CRHR2: variants seen among roughly 807,000 people sequenced by gnomAD.
CRHR2 encodes corticotropin-releasing hormone receptor 2.
In CRHR2, 53 loss-of-function variants were observed where a neutral mutation model predicts 57.9. The observed-to-expected ratio is 0.92, with a 90% CI of 0.73 to 1.15. The LOEUF is 1.15. Ranked by LOEUF, CRHR2 falls within the 50% of genes most tolerant of loss-of-function variation. CRHR2 has a pLI of 0.00. For synonymous variants in CRHR2, 213 were observed against 220.9 expected (o/e 0.96, Z 0.32); for missense variants, 532 against 542.6 (o/e 0.98, Z 0.19).
chr7:30,687,050 G>GAGGGAACAA (rs1784869755), upstream of CRHR2, among the ~76,000 whole-genome samples: 1 of 152,046 alleles, frequency 6.6e-6, no homozygotes, highest in Admixed American at 6.6e-5. Flanking sequence ...ACATTCCCTT[G>GAGGGAACAA]ACTATTGCAT....
At chr7:30,667,488 C>A (rs1784224989) in intron 2 of CRHR2, among the ~76,000 whole-genome samples, 175 bp from the exon 3 acceptor site, 1 of 152,202 alleles carries the variant, frequency 6.6e-6, no homozygotes, top group African/African-American at 2.4e-5. Context: ...GCACAAAAGG[C>A]TCATCTTACA....
At chr7:30,693,083 C>T (rs1258246518) in intron 1 of CRHR2, among the ~76,000 whole-genome samples, 1 of 152,190 alleles carries the variant, frequency 6.6e-6, no homozygotes. Flanking sequence ...GAGGCAGACA[C>T]CTGGGTCACG....
At chr7:30,673,646 G>A (rs749834822) in intron 2 of CRHR2, among the ~76,000 whole-genome samples, 1 of 152,198 alleles carries the variant, frequency 6.6e-6, no homozygotes, top group African/African-American at 2.4e-5. Flanking sequence ...CAGAGCTGGG[G>A]TGGTCAGACG....
At chr7:30,658,406 T>C (rs1783869752) in intron 8 of CRHR2, among the ~76,000 whole-genome samples, 1 of 152,204 alleles carries the variant, frequency 6.6e-6, no homozygotes, top group South Asian at 2.1e-4. Context: ...CAGCCCCTGC[T>C]TGCAGAGGGC....
At chr7:30,657,031 G>A (rs1200256210) in intron 8 of CRHR2, among the ~76,000 whole-genome samples, 1 of 151,830 alleles carries the variant, frequency 6.6e-6, no homozygotes, top group Non-Finnish European at 1.5e-5. Context: ...TGGGCCAGAG[G>A]GAGACACATG....
chr7:30,653,716 C>T lies in CRHR2; in HGVS notation c.1096-116G>A. On this transcript the variant is annotated intron_variant, in intron 11 of 11. Coordinates refer to ENST00000471646, the MANE Select transcript of CRHR2 (RefSeq NM_001883.5). The surrounding 1 kb of genome is among the most constrained non-coding windows in gnomAD (Gnocchi z 5.0). ...CGACTGCCACCCTCATGACAAGGAA[C>T]TGTCTGCTTCCAAAACAGGTCCTTC... 1 of 1,286,304 alleles carries T rather than the reference C, an allele frequency of 7.8e-7. No homozygotes were observed. The highest frequency in any genetic ancestry group is 1.5e-5 in the South Asian group (1 of 65,266). The allele number at this position is 1,286,304 out of a possible 1,614,324, so 79.7% of individuals were successfully genotyped here. A position where few individuals can be genotyped will look rare whatever the true frequency, so the allele number is the denominator to read the frequency against.
intron 1 of CRHR2, chr7:30,689,392 C>G (rs1784916297): frequency 1.1e-6 from 1 of 907,734 alleles, no homozygotes; most frequent in Non-Finnish European, 1.7e-6. Flanking sequence ...CCTCTTAGTA[C>G]AGAGAGGGAG....
chr7:30,653,253 C>G lies in CRHR2; in HGVS notation c.*207G>C, dbSNP rs1783651726. On this transcript the variant is annotated 3_prime_UTR_variant, in exon 12 of 12. Coordinates refer to ENST00000471646, the MANE Select transcript of CRHR2 (RefSeq NM_001883.5). This position sits in a 1 kb window ranked among gnomAD's most constrained non-coding sequence, Gnocchi z 5.0. Reference sequence around the variant, plus strand: ...CAGGGGGTCCTGTGAATTCCCTCTGCTTCCTCTTGCGCTGAGCCTGGTGGC... The same window carrying G: ...CAGGGGGTCCTGTGAATTCCCTCTGGTTCCTCTTGCGCTGAGCCTGGTGGC... 9.5e-6 allele frequency: 6 copies of G among 630,334 alleles called. No individual in the cohort carries two copies. Among genetic ancestry groups the G allele is most frequent in the Non-Finnish European group, 1.6e-5 (6 of 378,282 alleles). 39.0% of individuals were successfully genotyped at this position (630,334 alleles called of 1,614,324 possible). A position where few individuals can be genotyped will look rare whatever the true frequency, so the allele number is the denominator to read the frequency against.
intron 2 of CRHR2, among the ~76,000 whole-genome samples, chr7:30,676,201 G>C (rs553996937): frequency 6.6e-5 from 10 of 152,326 alleles, no homozygotes; most frequent in African/African-American, 2.4e-4. Context: ...GGGCAGCTCT[G>C]GGGTGTCTGG....
At chr7:30,655,170 G>A (rs1783734493) in intron 10 of CRHR2, 90 bp from the exon 11 acceptor site, 2 of 1,413,236 alleles carry the variant, frequency 1.4e-6, no homozygotes, top group Non-Finnish European at 2.0e-6. Flanking sequence ...AGATGGTGGG[G>A]GGGGGACAAT....
chr7:30,682,001 C>G lies in CRHR2; in HGVS notation c.143G>C (p.Gly48Ala), dbSNP rs1198545213. Reference protein sequence around the residue: ...SYCNTTLDQIGTCWPRSAAGA... With the variant: ...SYCNTTLDQIATCWPRSAAGA... ...GGCAGCGCTGCGGGGCCAGCACGTT[C>G]CGATCTGGTCCAAGGTCGTGTTGCA... Residue 48 changes from glycine to alanine, a missense_variant, in exon 2 of 12, where the codon GGA becomes GCA. Physicochemically the swap from Gly to Ala is moderately conservative, Grantham distance 60. Transcript: ENST00000471646. 3.1e-6 allele frequency: 5 copies of G among 1,604,578 alleles called. No individual in the cohort carries two copies. In the African/African-American group the frequency reaches 5.3e-5, roughly 17 times the overall value.
intron 2 of CRHR2, chr7:30,688,671 AC>A (rs1289339311): frequency 2.5e-6 from 1 of 395,346 alleles, no homozygotes; most frequent in East Asian, 7.1e-5. Flanking sequence ...AGGGTGGGAC[AC>A]TGGAGACATC....
At chr7:30,681,436 C>A (rs1784701226) in intron 2 of CRHR2, among the ~76,000 whole-genome samples, 1 of 152,194 alleles carries the variant, frequency 6.6e-6, no homozygotes, top group Non-Finnish European at 1.5e-5. Context: ...CGCCCCAGCC[C>A]TCCTGCCTCC....
At chr7:30,686,867 A>G (rs1479848111), upstream of CRHR2, among the ~76,000 whole-genome samples, 1 of 152,140 alleles carries the variant, frequency 6.6e-6, no homozygotes, top group Non-Finnish European at 1.5e-5. Flanking sequence ...ACCCTTTGTC[A>G]TTATTAGTCT....
intron 5 of CRHR2, among the ~76,000 whole-genome samples, chr7:30,664,800 G>C (rs952737372): frequency 6.6e-6 from 1 of 152,082 alleles, no homozygotes; most frequent in Non-Finnish European, 1.5e-5. Flanking sequence ...CAGTCTCTGT[G>C]TGCAAATCTC....
chr7:30,693,714 T>G (rs996162690), intron 1 of CRHR2, among the ~76,000 whole-genome samples: 21 of 152,168 alleles, frequency 1.4e-4, no homozygotes, highest in Non-Finnish European at 2.1e-4. Context: ...GGGGGCAGTC[T>G]TGTGGGACTG....
intron 11 of CRHR2, among the ~76,000 whole-genome samples, chr7:30,654,150 G>A (rs1215790054): frequency 6.6e-6 from 1 of 152,204 alleles, no homozygotes. Flanking sequence ...TTCTAAAGTT[G>A]GCTCTACCCG....
In CRHR2 at chr7:30,656,021, A is replaced by C; in HGVS notation, c.832-9T>G. 4.6e-6 allele frequency: 6 copies of C among 1,301,086 alleles called. No individual in the cohort carries two copies. The highest frequency in any genetic ancestry group is 6.6e-6 in the Non-Finnish European group (6 of 911,338). The allele number at this position is 1,301,086 out of a possible 1,614,324, so 80.6% of individuals were successfully genotyped here. A position where few individuals can be genotyped will look rare whatever the true frequency, so the allele number is the denominator to read the frequency against. Reference sequence around the variant, plus strand: ...AGAAATACGAAATTGATCTGGAGGGAGGGCGGGCATGGGAAAGAGGGAAAA... The same window carrying C: ...AGAAATACGAAATTGATCTGGAGGGCGGGCGGGCATGGGAAAGAGGGAAAA... On this transcript the variant is annotated splice_polypyrimidine_tract_variant and intron_variant, in intron 8 of 11. Transcript: ENST00000471646. This position sits in a 1 kb window ranked among gnomAD's most constrained non-coding sequence, Gnocchi z 4.4.
chr7:30,654,619 T>A, intron 11 of CRHR2: 1 of 1,470,096 alleles, frequency 6.8e-7, no homozygotes, highest in Non-Finnish European at 9.1e-7. Flanking sequence ...CAGAGCCTGC[T>A]CTTGGTGTGT....
Sources: allele counts gnomAD v4.1 joint callset (sites outside exome capture counted in the v4.1 genomes callset), GRCh38; gene constraint gnomAD v4.1.1; non-coding constraint Gnocchi (gnomAD v3.1); transcripts MANE v1.5; gene names NCBI Gene and HGNC (gene_info 2026-07-23, HGNC 2026-07-21).